Variants in RBFOX1 observed in about 807,000 individuals in gnomAD.
RBFOX1 encodes the protein RNA binding fox-1 homolog 1.
Under a neutral mutation model 57.7 loss-of-function variants are expected in RBFOX1, and 8 were observed. That is an observed-to-expected ratio of 0.14 (90% CI 0.08 to 0.25). The LOEUF is 0.25. Among genes scored for constraint, RBFOX1 ranks in the 10% least tolerant of loss-of-function variants. RBFOX1 has a pLI of 1.00. For missense variants in RBFOX1, 611 were observed against 548.5 expected, an observed-to-expected ratio of 1.11 and a Z score of -1.14; for synonymous variants, 326 against 222.4, an observed-to-expected ratio of 1.47 and a Z score of -4.15.
chr16:6,109,204 C>T (rs369477632), intron 1 of RBFOX1, among the ~76,000 whole-genome samples: 3 of 152,230 alleles, frequency 2.0e-5, no homozygotes, highest in East Asian at 3.9e-4. Flanking sequence ...CCCCCTTTCC[C>T]CTTTAATATT....
At chr16:5,547,768 CA>C (rs1423144725) in intron 2 of RBFOX1, among the ~76,000 whole-genome samples, 1 of 152,126 alleles carries the variant, frequency 6.6e-6, no homozygotes, top group Non-Finnish European at 1.5e-5. Context: ...AACTGGAGGC[CA>C]TTATCCTAAG....
intron 2 of RBFOX1, among the ~76,000 whole-genome samples, chr16:6,376,817 A>T (rs2091235723): frequency 6.6e-6 from 1 of 152,054 alleles, no homozygotes; most frequent in Non-Finnish European, 1.5e-5. Context: ...TCTTCAAAGG[A>T]CCCAGGGAAG....
chr16:6,585,831 C>T lies in RBFOX1; in HGVS notation c.-63-68772C>T, dbSNP rs148661755. 8.3e-3 allele frequency among the ~76,000 whole-genome samples: 1,257 copies of T among 152,108 alleles called. 10 individuals are homozygous for T. Among genetic ancestry groups the T allele is most frequent in the Non-Finnish European group, 0.011 (719 of 68,002 alleles). ...TTGACAATTTGTGTAGGGGTCTGTG[C>T]ATTAAAATGGATAATTTTAAGGAAA... On this transcript the variant is annotated intron_variant, in intron 2 of 15. Coordinates refer to ENST00000550418, the MANE Select transcript of RBFOX1 (RefSeq NM_018723.4).
At chr16:5,728,834 C>A (rs2052251665) in intron 3 of RBFOX1, among the ~76,000 whole-genome samples, 1 of 152,140 alleles carries the variant, frequency 6.6e-6, no homozygotes, top group South Asian at 2.1e-4. Context: ...CAGCAAAGTT[C>A]CAAGATCACC....
chr16:6,543,772 T>G (rs1307243516), intron 2 of RBFOX1, among the ~76,000 whole-genome samples: 2 of 152,128 alleles, frequency 1.3e-5, no homozygotes, highest in African/African-American at 4.8e-5. Context: ...AAACACTTAG[T>G]AAGACACGTT....
intron 2 of RBFOX1, among the ~76,000 whole-genome samples, chr16:6,489,500 G>C (rs746446305): frequency 6.6e-6 from 1 of 152,114 alleles, no homozygotes; most frequent in Non-Finnish European, 1.5e-5. Context: ...AGATCACACA[G>C]CTTCTAAGTG....
At chr16:6,960,628 T>G (rs1244573568) in intron 3 of RBFOX1, among the ~76,000 whole-genome samples, 1 of 152,068 alleles carries the variant, frequency 6.6e-6, no homozygotes, top group East Asian at 1.9e-4. Flanking sequence ...TTTTCCTGCC[T>G]TCTCTCCTTC....
At chr16:7,255,200 A>T (rs572461279) in intron 4 of RBFOX1, among the ~76,000 whole-genome samples, 1 of 152,350 alleles carries the variant, frequency 6.6e-6, no homozygotes, top group East Asian at 1.9e-4. Flanking sequence ...GGGTAGAGAT[A>T]TGACTTGCTT....
chr16:7,529,512 G>C (rs774698421), intron 5 of RBFOX1, among the ~76,000 whole-genome samples: 32 of 152,074 alleles, frequency 2.1e-4, no homozygotes, highest in Non-Finnish European at 4.1e-4. Flanking sequence ...TCCAATCATT[G>C]CTATTTTGGA....
At chr16:7,387,908 A>G (rs1370748217) in intron 4 of RBFOX1, among the ~76,000 whole-genome samples, 1 of 152,036 alleles carries the variant, frequency 6.6e-6, no homozygotes, top group Non-Finnish European at 1.5e-5. Context: ...TTGATTTTCC[A>G]CTTTCGCCTT....
chr16:6,835,831 C>T (rs114939766), intron 3 of RBFOX1, among the ~76,000 whole-genome samples: 29 of 146,994 alleles, frequency 2.0e-4, no homozygotes, highest in African/African-American at 6.5e-4. Flanking sequence ...ATGGACAGTT[C>T]TACTCCATAA....
At chr16:6,393,676 C>T (rs1266229370) in intron 2 of RBFOX1, among the ~76,000 whole-genome samples, 1 of 152,252 alleles carries the variant, frequency 6.6e-6, no homozygotes, top group Middle Eastern at 3.4e-3. Context: ...TTTCTTAATA[C>T]CCCACATTAT....
Position 6,747,444 on chromosome 16 carries a change from TA to T in RBFOX1, c.-16+92795del, listed in dbSNP as rs1310035174. Among the ~76,000 whole-genome samples the T allele has an allele frequency of 1.8e-3, 146 of 83,412 alleles. 2 individuals carry two copies. The South Asian group carries it at 0.018, about 10-fold the overall frequency. 54.7% of individuals were successfully genotyped at this position (83,412 alleles called of 152,430 possible). A position where few individuals can be genotyped will look rare whatever the true frequency, so the allele number is the denominator to read the frequency against. ...AAAATCTATCAGTCAGTCAGTCAGT[TA>T]GTCTGTCTGTCTGTCTGTCTGTCTG... On this transcript the variant is annotated intron_variant, in intron 3 of 15. Transcript: ENST00000550418.
chr16:7,362,241 T>C (rs1258310235), intron 4 of RBFOX1, among the ~76,000 whole-genome samples: 1 of 151,278 alleles, frequency 6.6e-6, no homozygotes, highest in Admixed American at 6.6e-5. Context: ...TTGTGTGTGT[T>C]AGTATATTTT....
intron 3 of RBFOX1, among the ~76,000 whole-genome samples, chr16:7,043,017 A>G (rs2153710390): frequency 6.6e-6 from 1 of 152,198 alleles, no homozygotes; most frequent in South Asian, 2.1e-4. Context: ...TGCAATCCCA[A>G]AGTTCCTTCG....
At chr16:6,610,729 G>C (rs2098035078) in intron 2 of RBFOX1, among the ~76,000 whole-genome samples, 1 of 152,174 alleles carries the variant, frequency 6.6e-6, no homozygotes, top group South Asian at 2.1e-4. Flanking sequence ...TTACTCAGCA[G>C]CTTCCGCCAA....
In RBFOX1 at chr16:6,855,447, C is replaced by G. The variant is rs189291473; in HGVS notation, c.-15-196610C>G. Reference sequence around the variant, plus strand: ...CGGGCGGATCATGAGGTCAGGAGATCGAGACCATCCTGGCTAACACAGTGA... The same window carrying G: ...CGGGCGGATCATGAGGTCAGGAGATGGAGACCATCCTGGCTAACACAGTGA... On this transcript the variant is annotated intron_variant, in intron 3 of 15. Transcript: ENST00000550418. Among the ~76,000 whole-genome samples the G allele has an allele frequency of 2.2e-4, 34 of 151,926 alleles. No individual in the cohort carries two copies. In the East Asian group the frequency reaches 6.7e-3, roughly 30 times the overall value.
chr16:6,963,444 C>T (rs2083434583), intron 3 of RBFOX1, among the ~76,000 whole-genome samples: 1 of 152,150 alleles, frequency 6.6e-6, no homozygotes, highest in African/African-American at 2.4e-5. Context: ...TTGGTGACAA[C>T]ATAAGTTATC....
chr16:6,521,677 A>T (rs919459986), intron 2 of RBFOX1, among the ~76,000 whole-genome samples: 1 of 152,106 alleles, frequency 6.6e-6, no homozygotes, highest in Non-Finnish European at 1.5e-5. Flanking sequence ...CTGGCTAATT[A>T]TAGCCTTGTT....
Sources: allele counts gnomAD v4.1 joint callset (sites outside exome capture counted in the v4.1 genomes callset), GRCh38; gene constraint gnomAD v4.1.1; transcripts MANE v1.5; gene names NCBI Gene and HGNC (gene_info 2026-07-23, HGNC 2026-07-21).